ST6GALNAC5: variants seen among roughly 807,000 people sequenced by gnomAD.
ST6GALNAC5 encodes ST6 N-acetylgalactosaminide alpha-2,6-sialyltransferase 5, also known as alpha-N-acetylgalactosaminide alpha-2,6-sialyltransferase 5.
Under a neutral mutation model 33.6 loss-of-function variants are expected in ST6GALNAC5, and 27 were observed. The ratio of observed to expected loss-of-function variants is 0.80; its 90% CI spans 0.59 to 1.11. ST6GALNAC5 has a LOEUF of 1.11. Among genes scored for constraint, ST6GALNAC5 ranks in the 50% least tolerant of loss-of-function variants. The probability of loss-of-function intolerance (pLI) is 0.00; values close to 1 mark genes in which losing one functional copy is unlikely to be tolerated. For missense variants in ST6GALNAC5, 428 were observed against 454.0 expected (o/e 0.94, Z 0.52); for synonymous variants, 194 against 171.2 (o/e 1.13, Z -1.04).
At chr1:77,001,770 C>G (rs1015368391) in intron 2 of ST6GALNAC5, among the ~76,000 whole-genome samples, 1 of 148,880 alleles carries the variant, frequency 6.7e-6, no homozygotes, top group African/African-American at 2.5e-5. Context: ...GTCTTTGGCT[C>G]TGTTTATATG....
At chr1:77,005,367 C>T (rs1294456277) in intron 2 of ST6GALNAC5, among the ~76,000 whole-genome samples, 1 of 152,190 alleles carries the variant, frequency 6.6e-6, no homozygotes, top group Admixed American at 6.5e-5. Flanking sequence ...GTGCGCACAC[C>T]CACTGACCTG....
At chr1:76,934,173 G>A (rs1647173492) in intron 2 of ST6GALNAC5, among the ~76,000 whole-genome samples, 1 of 151,974 alleles carries the variant, frequency 6.6e-6, no homozygotes, top group Admixed American at 6.6e-5. Flanking sequence ...TAAAAAGTGT[G>A]GATTCAGTTC....
intron 2 of ST6GALNAC5, among the ~76,000 whole-genome samples, chr1:76,983,494 G>C (rs1042073097): frequency 1.3e-5 from 2 of 152,062 alleles, no homozygotes; most frequent in Non-Finnish European, 2.9e-5. Flanking sequence ...CCCAATACAA[G>C]AGCACCCAGG....
At chr1:76,938,391 G>A (rs934023113) in intron 2 of ST6GALNAC5, among the ~76,000 whole-genome samples, 3 of 152,040 alleles carry the variant, frequency 2.0e-5, no homozygotes, top group East Asian at 1.9e-4. Context: ...ACACTTAAAC[G>A]TATCATTTGT....
intron 2 of ST6GALNAC5, among the ~76,000 whole-genome samples, chr1:77,036,957 A>T (rs1299257506): frequency 6.6e-6 from 1 of 152,232 alleles, no homozygotes; most frequent in Non-Finnish European, 1.5e-5. Context: ...GTGGTCAAGG[A>T]AAGCCTCCCT....
intron 2 of ST6GALNAC5, among the ~76,000 whole-genome samples, chr1:76,974,815 T>C (rs1460551316): frequency 2.2e-5 from 3 of 139,276 alleles, no homozygotes; most frequent in Non-Finnish European, 4.6e-5. Flanking sequence ...AGAGTTTTGC[T>C]CTTGTTGCCT....
chr1:77,048,198 C>T (rs562609673), intron 3 of ST6GALNAC5, among the ~76,000 whole-genome samples: 11 of 152,344 alleles, frequency 7.2e-5, no homozygotes, highest in African/African-American at 2.6e-4. Context: ...ATCTCTACTA[C>T]ATCACATAAA....
chr1:76,890,331 G>A (rs923594011), intron 2 of ST6GALNAC5, among the ~76,000 whole-genome samples: 11 of 151,918 alleles, frequency 7.2e-5, no homozygotes, highest in South Asian at 6.2e-4. Flanking sequence ...TTTCTTTTAC[G>A]TTCCCTATGC....
chr1:76,975,155 C>T (rs904997835), intron 2 of ST6GALNAC5, among the ~76,000 whole-genome samples: 2 of 152,014 alleles, frequency 1.3e-5, no homozygotes, highest in Admixed American at 1.3e-4. Context: ...TACTTAATAT[C>T]CTTTTCTTAT....
At chr1:76,954,927 T>C (rs1440803927) in intron 2 of ST6GALNAC5, among the ~76,000 whole-genome samples, 6 of 152,078 alleles carry the variant, frequency 3.9e-5, no homozygotes, top group Non-Finnish European at 7.4e-5. Flanking sequence ...AAAAGCTATA[T>C]TCATTAATTT....
intron 2 of ST6GALNAC5, among the ~76,000 whole-genome samples, chr1:76,979,537 C>G (rs943742933): frequency 6.6e-6 from 1 of 152,114 alleles, no homozygotes; most frequent in Admixed American, 6.6e-5. Context: ...AAAGAGCAGC[C>G]TCTTCAATAA....
At chr1:76,977,960 C>G (rs1174117414) in intron 2 of ST6GALNAC5, among the ~76,000 whole-genome samples, 1 of 152,100 alleles carries the variant, frequency 6.6e-6, no homozygotes, top group Admixed American at 6.6e-5. Flanking sequence ...AAGAGTTCTC[C>G]TTTCTCCACA....
intron 2 of ST6GALNAC5, among the ~76,000 whole-genome samples, chr1:77,026,634 C>T (rs1372770391): frequency 6.6e-6 from 1 of 152,194 alleles, no homozygotes; most frequent in Non-Finnish European, 1.5e-5. Context: ...AGGTGTCAAC[C>T]ACTGCACATG....
At chr1:76,935,594 G>T (rs944965055) in intron 2 of ST6GALNAC5, among the ~76,000 whole-genome samples, 2 of 151,986 alleles carry the variant, frequency 1.3e-5, no homozygotes, top group Non-Finnish European at 1.5e-5. Flanking sequence ...GTGTTGTATT[G>T]GTTGGTTGTT....
chr1:76,931,176 C>A (rs1647137353), intron 2 of ST6GALNAC5, among the ~76,000 whole-genome samples: 1 of 152,046 alleles, frequency 6.6e-6, no homozygotes, highest in Non-Finnish European at 1.5e-5. Context: ...GTGGCCTCTG[C>A]CAACAGCCAA....
intron 2 of ST6GALNAC5, among the ~76,000 whole-genome samples, chr1:76,943,077 C>T (rs766805654): frequency 2.0e-5 from 3 of 152,072 alleles, no homozygotes; most frequent in Admixed American, 6.5e-5. Flanking sequence ...CAACTTTTGT[C>T]TCCTCTCCTT....
intron 2 of ST6GALNAC5, among the ~76,000 whole-genome samples, chr1:77,002,560 C>G (rs1231235197): frequency 1.3e-5 from 2 of 149,706 alleles, no homozygotes; most frequent in African/African-American, 2.4e-5. Context: ...TCTTGCTTTT[C>G]TAGTTCTTTT....
intron 2 of ST6GALNAC5, among the ~76,000 whole-genome samples, chr1:76,911,813 CT>C (rs1646916608): frequency 6.6e-6 from 1 of 152,112 alleles, no homozygotes; most frequent in Non-Finnish European, 1.5e-5. Flanking sequence ...ATTCTTCTCT[CT>C]TTTTTTCTTT....
chr1:77,066,832 T>C lies in ST6GALNAC5; in HGVS notation c.*3626T>C, dbSNP rs1368533649. Among the ~76,000 whole-genome samples, 1 of 152,236 alleles carries C rather than the reference T, an allele frequency of 6.6e-6. No individual in the cohort carries two copies. The highest frequency in any genetic ancestry group is 1.5e-5 in the Non-Finnish European group (1 of 68,040). Reference sequence around the variant, plus strand: ...GTCATTTTCTCCCAATTGTCTTCTTTTGTCTACAGTGTGCTCCTAAACCAG... The same window carrying C: ...GTCATTTTCTCCCAATTGTCTTCTTCTGTCTACAGTGTGCTCCTAAACCAG... On this transcript the variant is annotated 3_prime_UTR_variant, in exon 5 of 5. Transcript: ENST00000477717.
Sources: gnomAD v4.1 joint callset for allele counts (sites outside exome capture counted in the v4.1 genomes callset) on GRCh38, gnomAD v4.1.1 for gene constraint, MANE v1.5 for transcripts, NCBI Gene and HGNC (gene_info 2026-07-23, HGNC 2026-07-21) for gene names.